The following FCHSD2 variants were observed in gnomAD, a reference collection of about 807,000 sequenced individuals.
FCHSD2 encodes F-BAR and double SH3 domains protein 2.
In FCHSD2, 38 loss-of-function variants were observed where a neutral mutation model predicts 108.1. The observed-to-expected ratio is 0.35, with a 90% CI of 0.27 to 0.46. The LOEUF (loss-of-function observed/expected upper bound fraction) is 0.46. FCHSD2 is among the 20% of genes least tolerant of loss of function. FCHSD2 has a pLI of 1.00. For missense variants in FCHSD2, 751 were observed against 897.8 expected (o/e 0.84, Z 2.09); for synonymous variants, 279 against 314.7 (o/e 0.89, Z 1.20).
chr11:72,985,340 C>G (rs1370249437), intron 6 of FCHSD2, among the ~76,000 whole-genome samples: 1 of 42,840 alleles, frequency 2.3e-5, no homozygotes. Flanking sequence ...TAATATAAGA[C>G]AAATATCCAG....
At chr11:72,887,727 T>C (rs1381898386) in intron 11 of FCHSD2, among the ~76,000 whole-genome samples, 153 bp from the exon 12 acceptor site, 1 of 152,192 alleles carries the variant, frequency 6.6e-6, no homozygotes, top group Non-Finnish European at 1.5e-5. Flanking sequence ...GAAATAATTA[T>C]AGACTTACTA....
intron 5 of FCHSD2, among the ~76,000 whole-genome samples, chr11:72,992,550 C>T (rs1857437278): frequency 6.6e-6 from 1 of 152,128 alleles, no homozygotes; most frequent in Non-Finnish European, 1.5e-5. Flanking sequence ...GTACTGGTAC[C>T]AAAACAGAGA....
chr11:72,934,110 GAAAAA>G (rs375464183), intron 8 of FCHSD2, among the ~76,000 whole-genome samples: 2 of 50,880 alleles, frequency 3.9e-5, no homozygotes, highest in Non-Finnish European at 6.5e-5. Context: ...CACTGTCTCA[GAAAAA>G]AAAAAAAAAA....
chr11:72,940,728 G>A, intron 8 of FCHSD2: 1 of 900,332 alleles, frequency 1.1e-6, no homozygotes, highest in Non-Finnish European at 1.9e-6. Flanking sequence ...CAGTTCCTAA[G>A]GGTGCAACTA....
intron 5 of FCHSD2, among the ~76,000 whole-genome samples, chr11:72,995,559 C>G (rs534616987): frequency 6.6e-6 from 1 of 152,028 alleles, no homozygotes; most frequent in African/African-American, 2.4e-5. Flanking sequence ...CAAAAATCAG[C>G]CAGGTGTGGT....
intron 8 of FCHSD2, among the ~76,000 whole-genome samples, chr11:72,942,563 A>T (rs1856440504): frequency 6.6e-6 from 1 of 152,172 alleles, no homozygotes; most frequent in Non-Finnish European, 1.5e-5. Flanking sequence ...TGACAGTAAG[A>T]GTGGTTTACT....
chr11:72,969,062 A>T (rs542268497), intron 8 of FCHSD2, among the ~76,000 whole-genome samples: 4 of 152,322 alleles, frequency 2.6e-5, no homozygotes, highest in Admixed American at 2.6e-4. Context: ...TTTGAAATCA[A>T]TTTAAAATAG....
At chr11:73,097,384 ATT>A (rs201818849) in intron 2 of FCHSD2, among the ~76,000 whole-genome samples, 4 of 135,720 alleles carry the variant, frequency 2.9e-5, no homozygotes, top group Admixed American at 7.4e-5. Context: ...TTATTTATTT[ATT>A]TTTTTTTTTT....
intron 3 of FCHSD2, among the ~76,000 whole-genome samples, chr11:73,072,117 C>T (rs971251872): frequency 2.0e-5 from 3 of 151,098 alleles, no homozygotes; most frequent in African/African-American, 7.3e-5. Context: ...AAAATAAAAA[C>T]GGGCATGTTC....
At chr11:73,130,660 A>C (rs1030790748) in intron 2 of FCHSD2, among the ~76,000 whole-genome samples, 2 of 152,190 alleles carry the variant, frequency 1.3e-5, no homozygotes, top group African/African-American at 2.4e-5. Context: ...TAATTCTTTC[A>C]ATTTCAAGTA....
At chr11:73,048,725 T>C (rs1351366026) in intron 3 of FCHSD2, among the ~76,000 whole-genome samples, 1 of 152,152 alleles carries the variant, frequency 6.6e-6, no homozygotes, top group African/African-American at 2.4e-5. Context: ...TCCATTCTAC[T>C]AGTCCAAGCA....
intron 3 of FCHSD2, among the ~76,000 whole-genome samples, chr11:73,082,788 C>T (rs1859726656): frequency 6.6e-6 from 1 of 152,082 alleles, no homozygotes; most frequent in South Asian, 2.1e-4. Flanking sequence ...AGAATACTCC[C>T]CCACATATAA....
At chr11:73,124,070 C>T (rs1160131038) in intron 2 of FCHSD2, among the ~76,000 whole-genome samples, 2 of 152,162 alleles carry the variant, frequency 1.3e-5, no homozygotes, top group Admixed American at 6.5e-5. Flanking sequence ...CCATGGAATA[C>T]TATGCAGCCA....
chr11:73,002,806 C>G (rs1857653270), intron 4 of FCHSD2, among the ~76,000 whole-genome samples: 1 of 152,130 alleles, frequency 6.6e-6, no homozygotes, highest in African/African-American at 2.4e-5. Flanking sequence ...CCCCCAAACT[C>G]AATCAAGTTA....
In FCHSD2 at chr11:72,984,183, C is replaced by G; in HGVS notation, c.610G>C (p.Ala204Pro). The G allele has an allele frequency of 1.3e-5, 21 of 1,613,740 alleles. No individual in the cohort carries two copies. Among genetic ancestry groups the G allele is most frequent in the Non-Finnish European group, 1.8e-5 (21 of 1,179,680 alleles). The change falls in exon 8 of 20, where the codon GCT becomes CCT. Residue 204 changes from alanine to proline, a missense_variant. Transcript: ENST00000409418. ...KARRSECNSK[A>P]THARNDYLLT... ...AGATAATCATTCCTTGCGTGGGTAG[C>G]TTTGGAATTACACTCAGATCGCCGG...
At chr11:72,897,159 A>G (rs995678926) in intron 10 of FCHSD2, among the ~76,000 whole-genome samples, 7 of 152,166 alleles carry the variant, frequency 4.6e-5, no homozygotes, top group African/African-American at 1.4e-4. Context: ...TTAAGAAGTC[A>G]GTTAACATCT....
intron 8 of FCHSD2, among the ~76,000 whole-genome samples, chr11:72,971,434 G>GT: frequency 6.6e-6 from 1 of 152,120 alleles, no homozygotes; most frequent in Non-Finnish European, 1.5e-5. Flanking sequence ...GCAAAAGGGA[G>GT]ATTATCTGCG....
intron 4 of FCHSD2, among the ~76,000 whole-genome samples, chr11:73,014,404 C>T (rs1034627639): frequency 1.3e-5 from 2 of 152,060 alleles, no homozygotes; most frequent in Non-Finnish European, 2.9e-5. Context: ...GCTAGGATTA[C>T]AGGCATGAAG....
chr11:73,115,164 T>C (rs1463601102), intron 2 of FCHSD2, among the ~76,000 whole-genome samples: 1 of 152,248 alleles, frequency 6.6e-6, no homozygotes, highest in Non-Finnish European at 1.5e-5. Flanking sequence ...TGAGTGGTCA[T>C]TGGCTAAGTT....
Sources: allele counts gnomAD v4.1 joint callset (sites outside exome capture counted in the v4.1 genomes callset), GRCh38; gene constraint gnomAD v4.1.1; transcripts MANE v1.5; gene names NCBI Gene and HGNC (gene_info 2026-07-23, HGNC 2026-07-21).